The following FANCM variants were observed in gnomAD, a reference collection of about 807,000 sequenced individuals.
FANCM encodes the protein FA complementation group M, also known as Fanconi anemia group M protein.
FANCM carries 140 observed loss-of-function variants against 199.5 expected under a neutral mutation model. That is an observed-to-expected ratio of 0.70 (90% CI 0.61 to 0.81). FANCM has a LOEUF of 0.81. FANCM is among the 30% of genes least tolerant of loss of function. The probability of loss-of-function intolerance (pLI) is 0.00; values close to 1 mark genes in which losing one functional copy is unlikely to be tolerated. For missense variants in FANCM, 2,410 were observed against 2,421.4 expected, an observed-to-expected ratio of 1.00 and a Z score of 0.10; for synonymous variants, 840 against 836.8, an observed-to-expected ratio of 1.00 and a Z score of -0.07.
chr14:45,175,710 G>A lies in FANCM; in HGVS notation c.2956G>A (p.Val986Ile), dbSNP rs112345761. ...FYNCHSLTKE[V>I]LANVERFLSY... ...TAATTGTCACTCATTGACAAAAGAGGTACTAGCTAATGTAGAGAGATTTTT... is the reference window on the plus strand; with the variant it reads ...TAATTGTCACTCATTGACAAAAGAGATACTAGCTAATGTAGAGAGATTTTT... Residue 986 changes from valine (V) to isoleucine (I), a missense_variant, in exon 14 of 23, where the codon GTA (valine) becomes ATA (isoleucine). Val to Ile is a conservative substitution (Grantham distance 29). Transcript: ENST00000267430. 1.2e-6 allele frequency: 2 copies of A among 1,613,680 alleles called. No individual in the cohort carries two copies. Among genetic ancestry groups the A allele is most frequent in the Non-Finnish European group, 8.5e-7 (1 of 1,179,802 alleles).
Position 45,148,880 on chromosome 14 carries a change from A to G in FANCM, c.803A>G (p.Glu268Gly), listed in dbSNP as rs1886619959. 2 of 1,611,664 alleles carry G rather than the reference A, an allele frequency of 1.2e-6. No individual in the cohort carries two copies. Among genetic ancestry groups the G allele is most frequent in the Non-Finnish European group, 1.7e-6 (2 of 1,178,054 alleles). ...VITNLLIGQI[E>G]LRSEDSPDIL... ...ACTAACCTGCTAATTGGGCAGATAG[A>G]GCTTCGTTCTGAAGATTCTCCAGAT... is the stretch of plus-strand genomic sequence containing the variant. Residue 268 changes from glutamate (E) to glycine (G), a missense_variant, in exon 4 of 23, where the codon GAG (glutamate) becomes GGG (glycine). Physicochemically the swap from Glu to Gly is moderately conservative, Grantham distance 98 (BLOSUM62 -2). Transcript: ENST00000267430.
At chr14:45,167,331 A>G (rs1181377739) in intron 11 of FANCM, 168 bp downstream of exon 11, 1 of 626,888 alleles carries the variant, frequency 1.6e-6, no homozygotes, top group African/African-American at 1.8e-5. Flanking sequence ...TGGCAAATGG[A>G]GAGACACTGG....
intron 3 of FANCM, among the ~76,000 whole-genome samples, chr14:45,147,903 C>A (rs530014234): frequency 6.8e-6 from 1 of 147,846 alleles, no homozygotes; most frequent in Non-Finnish European, 1.5e-5. Context: ...AACCGCCCCC[C>A]CCCCAAAAAA....
At chr14:45,189,981 A>AG (rs1261271979) in intron 20 of FANCM, among the ~76,000 whole-genome samples, 2 of 152,006 alleles carry the variant, frequency 1.3e-5, no homozygotes, top group East Asian at 3.9e-4. Flanking sequence ...AAAAAAAAAA[A>AG]AAAGAACTAG....
In FANCM at chr14:45,177,310, C is replaced by T. The variant is rs151177299; in HGVS notation, c.4222+334C>T. 6.5e-3 allele frequency among the ~76,000 whole-genome samples: 985 copies of T among 152,196 alleles called. 8 individuals are homozygous for T. Among genetic ancestry groups the T allele is most frequent in the African/African-American group, 0.023 (938 of 41,514 alleles). On this transcript the variant is annotated intron_variant, in intron 14 of 22. Coordinates refer to ENST00000267430, the MANE Select transcript of FANCM (RefSeq NM_020937.4). ...TGCCAGTAAAATGTGGAAATAACTA[C>T]CAAATGAATAATAAGAGAGTGGCTG...
At chr14:45,144,310 C>T (rs1555359776) in intron 3 of FANCM, among the ~76,000 whole-genome samples, 3 of 150,306 alleles carry the variant, frequency 2.0e-5, no homozygotes, top group African/African-American at 2.5e-5. Flanking sequence ...AGTGTCCCCT[C>T]CACCCCCCTC....
Position 45,175,560 on chromosome 14 carries a change from T to A in FANCM, c.2806T>A (p.Ser936Thr). The change falls in exon 14 of 23, where the codon TCA becomes ACA. Residue 936 changes from serine to threonine, a missense_variant. Coordinates refer to ENST00000267430, the MANE Select transcript of FANCM (RefSeq NM_020937.4). ...ECQFTNKSTS[S>T]LAGNVLDSGY... is the part of the protein sequence containing the mutation. Reference sequence around the variant, plus strand: ...TCAGTTTACAAATAAATCCACTAGTTCACTTGCTGGAAATGTTTTAGATTC... The same window carrying A: ...TCAGTTTACAAATAAATCCACTAGTACACTTGCTGGAAATGTTTTAGATTC... The A allele has an allele frequency of 6.2e-7, 1 of 1,613,434 alleles. No individual in the cohort carries two copies. Among genetic ancestry groups the A allele is most frequent in the Non-Finnish European group, 8.5e-7 (1 of 1,179,558 alleles).
In FANCM at chr14:45,175,210, A is replaced by G; in HGVS notation, c.2456A>G (p.Lys819Arg). The G allele has an allele frequency of 1.2e-6, 2 of 1,612,136 alleles. No homozygotes were observed. The highest frequency in any genetic ancestry group is 1.7e-6 in the Non-Finnish European group (2 of 1,178,784). The part of the protein sequence containing the change: ...FITHKKSSFI[K>R]NINQGSSSSV... ...ACTCACAAGAAATCGTCATTTATAA[A>G]GAACATAAATCAAGGCAGTTCATCC... The change falls in exon 14 of 23, where the codon AAG becomes AGG. Residue 819 changes from lysine (K) to arginine (R), a missense_variant. Transcript: ENST00000267430.
At chr14:45,136,772 A>C in intron 1 of FANCM, among the ~76,000 whole-genome samples, 1 of 152,260 alleles carries the variant, frequency 6.6e-6, no homozygotes, top group East Asian at 1.9e-4. Flanking sequence ...GTAACTGAAC[A>C]TGATATTTCC....
rs1258389049 is a variant in FANCM at position 45,189,131 on chromosome 14, T to C, written c.5109T>C (p.His1703=). 1 of 1,614,156 alleles carries C rather than the reference T, an allele frequency of 6.2e-7. No homozygotes were observed. Among genetic ancestry groups the C allele is most frequent in the Non-Finnish European group, 8.5e-7 (1 of 1,179,982 alleles). Residue 1703 remains histidine, a synonymous_variant, in exon 20 of 23, where the codon CAT becomes CAC. Coordinates refer to ENST00000267430, the MANE Select transcript of FANCM (RefSeq NM_020937.4). The part of the protein sequence containing the change: ...STVKKNKQQD[H]CLNSVPSGSS... The stretch of plus-strand genomic sequence containing the variant: ...TTAAGAAGAACAAACAACAGGACCA[T>C]TGTTTAAATTCAGTGCCTTCTGGAT...
At chr14:45,191,062 A>G (rs1320608455) in intron 20 of FANCM, among the ~76,000 whole-genome samples, 2 of 152,106 alleles carry the variant, frequency 1.3e-5, no homozygotes, top group African/African-American at 4.8e-5. Context: ...ATTCCTTATA[A>G]ATGGGGTCTG....
At position 45,159,110 on chromosome 14, in the gene FANCM, G is replaced by A. The variant is rs543029493; in HGVS notation, c.1411G>A (p.Glu471Lys). ...TATATATATAGCTGAAAACACTACT[G>A]AAAAGAAACGTGATGAGACCCGAGT... ...FKSWNAENTT[E>K]KKRDETRVMI... Residue 471 changes from glutamate (E) to lysine (K), a missense_variant, in exon 9 of 23, where the codon GAA becomes AAA. Transcript: ENST00000267430. 31 of 1,604,702 alleles carry A rather than the reference G, an allele frequency of 1.9e-5. No individual in the cohort carries two copies. In the East Asian group the frequency reaches 6.7e-4, roughly 35 times the overall value.
chr14:45,174,166 C>T (rs528227659), intron 13 of FANCM, among the ~76,000 whole-genome samples: 85 of 152,160 alleles, frequency 5.6e-4, no homozygotes, highest in African/African-American at 2.0e-3. Flanking sequence ...GCAGGCAGAT[C>T]ACTTGAGGTC....
chr14:45,165,848 G>T (rs1277117489), intron 10 of FANCM, among the ~76,000 whole-genome samples: 1 of 152,094 alleles, frequency 6.6e-6, no homozygotes, highest in Non-Finnish European at 1.5e-5. Flanking sequence ...ACATTGTGCT[G>T]CGTAATGTTC....
intron 11 of FANCM, among the ~76,000 whole-genome samples, chr14:45,169,823 G>A (rs1888225949): frequency 6.6e-6 from 1 of 152,182 alleles, no homozygotes; most frequent in African/African-American, 2.4e-5. Context: ...TGAAAAGAAT[G>A]AATATACTAT....
chr14:45,158,995 T>A (rs928528632), intron 8 of FANCM, 101 bp from the exon 9 acceptor site: 2 of 746,488 alleles, frequency 2.7e-6, no homozygotes, highest in African/African-American at 3.6e-5. Flanking sequence ...GAAAGAATTA[T>A]CATTCGTTAG....
rs1187694849 is a variant in FANCM at position 45,149,001 on chromosome 14, C to G, written c.918+6C>G. 1 of 1,607,634 alleles carries G rather than the reference C, an allele frequency of 6.2e-7. No homozygotes were observed. The highest frequency in any genetic ancestry group is 1.1e-5 in the South Asian group (1 of 90,886). On this transcript the variant is annotated splice_donor_region_variant and intron_variant, in intron 4 of 22. Coordinates refer to ENST00000267430, the MANE Select transcript of FANCM (RefSeq NM_020937.4). ...TCCAAAAGACCTATATCCAGGTAAA[C>G]CATTTTTATGACATTTAGGGATTTC...
chr14:45,185,382 TATA>T lies in FANCM; in HGVS notation c.4672+12_4672+14del. On this transcript the variant is annotated intron_variant, in intron 18 of 22. Transcript: ENST00000267430. The stretch of plus-strand genomic sequence containing the variant: ...TTCACAGGCTATAAATGGTAAATGT[TATA>T]ATGATCCTTAAAATTTTTTTCAATG... 3 of 1,520,818 alleles carry T rather than the reference TATA, an allele frequency of 2.0e-6. No homozygotes were observed. The highest frequency in any genetic ancestry group is 1.8e-6 in the Non-Finnish European group (2 of 1,115,242). 94.2% of individuals were successfully genotyped at this position (1,520,818 alleles called of 1,614,324 possible).
At chr14:45,178,269 CAT>C (rs992646807) in intron 14 of FANCM, among the ~76,000 whole-genome samples, 1 of 152,102 alleles carries the variant, frequency 6.6e-6, no homozygotes, top group Non-Finnish European at 1.5e-5. Flanking sequence ...TGTGCCATGA[CAT>C]ATATATTTTT....
Sources: gnomAD v4.1 joint callset for allele counts (sites outside exome capture counted in the v4.1 genomes callset) on GRCh38, gnomAD v4.1.1 for gene constraint, MANE v1.5 for transcripts, NCBI Gene and HGNC (gene_info 2026-07-23, HGNC 2026-07-21) for gene names.